The following INPP5D variants were observed in gnomAD, a reference collection of about 807,000 sequenced individuals.
INPP5D encodes phosphatidylinositol 3,4,5-trisphosphate 5-phosphatase 1.
INPP5D carries 33 observed loss-of-function variants against 122.9 expected under a neutral mutation model. The ratio of observed to expected loss-of-function variants is 0.27; its 90% CI spans 0.20 to 0.36. The LOEUF (loss-of-function observed/expected upper bound fraction) is 0.36. Among genes scored for constraint, INPP5D ranks in the 10% least tolerant of loss-of-function variants. The pLI is 1.00. For synonymous variants in INPP5D, 584 were observed against 576.2 expected (o/e 1.01, Z -0.19); for missense variants, 1,053 against 1,412.7 (o/e 0.75, Z 4.08).
chr2:233,109,084 T>C (rs965350368), intron 2 of INPP5D, among the ~76,000 whole-genome samples: 3 of 152,218 alleles, frequency 2.0e-5, no homozygotes, highest in Admixed American at 1.3e-4. Context: ...CCCATTCCTC[T>C]GCCCAGCCAG....
At chr2:233,180,633 A>G (rs1694759906) in intron 18 of INPP5D, among the ~76,000 whole-genome samples, 1 of 152,148 alleles carries the variant, frequency 6.6e-6, no homozygotes, top group Admixed American at 6.5e-5. Flanking sequence ...TCAGCCTCCC[A>G]GGTTCAAGTG....
At chr2:233,121,232 A>G (rs1692966038) in intron 2 of INPP5D, among the ~76,000 whole-genome samples, 1 of 150,002 alleles carries the variant, frequency 6.7e-6, no homozygotes, top group Admixed American at 6.6e-5. Context: ...CCCAGGTTCA[A>G]GCAATTCTCT....
rs529175498 is a variant in INPP5D at position 233,198,248 on chromosome 2, G to A, written c.2847G>A (p.Lys949=). The A allele has an allele frequency of 1.9e-5, 30 of 1,613,526 alleles. No individual in the cohort carries two copies. The highest frequency in any genetic ancestry group is 2.5e-5 in the Non-Finnish European group (29 of 1,179,856). The stretch of plus-strand genomic sequence containing the variant: ...CCTGGAGCTACGACCAGCCGCCCAA[G>A]GACTCCCCGCTGGGGCCCTGCAGGG... The part of the protein sequence containing the change: ...PTAWSYDQPP[K]DSPLGPCRGE... The change falls in exon 25 of 27, where the codon AAG becomes AAA. Residue 949 remains lysine, a synonymous_variant. Coordinates refer to ENST00000445964, the MANE Select transcript of INPP5D (RefSeq NM_001017915.3).
intron 2 of INPP5D, among the ~76,000 whole-genome samples, chr2:233,114,767 T>G (rs547584026): frequency 6.6e-6 from 1 of 152,236 alleles, no homozygotes; most frequent in East Asian, 1.9e-4. Context: ...CACAGCCGAG[T>G]GGTGTTTTCA....
intron 1 of INPP5D, among the ~76,000 whole-genome samples, chr2:233,068,191 A>G (rs1001993310): frequency 2.0e-5 from 3 of 151,974 alleles, no homozygotes; most frequent in African/African-American, 7.3e-5. Context: ...AGGCTGAGGC[A>G]GCAGAATTGC....
At chr2:233,196,636 T>C (rs1369921951) in intron 24 of INPP5D, among the ~76,000 whole-genome samples, 1 of 152,092 alleles carries the variant, frequency 6.6e-6, no homozygotes, top group East Asian at 1.9e-4. Context: ...ATAGTACAGA[T>C]GTTAAAGTCT....
At chr2:233,101,842 G>A (rs1309202806) in intron 2 of INPP5D, among the ~76,000 whole-genome samples, 2 of 150,596 alleles carry the variant, frequency 1.3e-5, no homozygotes, top group Non-Finnish European at 3.0e-5. Context: ...CTTGTGATCA[G>A]GTTTGGGAAG....
rs766304946 is a variant in INPP5D, at chr2:233,161,840, C to A, written c.1240+14C>A. 2.5e-6 allele frequency: 4 copies of A among 1,607,942 alleles called. No homozygotes were observed. Among genetic ancestry groups the A allele is most frequent in the South Asian group, 2.2e-5 (2 of 90,160 alleles). Reference sequence around the variant, plus strand: ...CCTGGAACATGGGTGGGTCCGCGCGCCCCCTCCCTGCAGTCACCCCCTCTG... The same window carrying A: ...CCTGGAACATGGGTGGGTCCGCGCGACCCCTCCCTGCAGTCACCCCCTCTG... On this transcript the variant is annotated intron_variant, in intron 11 of 26. Transcript: ENST00000445964.
intron 9 of INPP5D, among the ~76,000 whole-genome samples, chr2:233,152,075 C>T (rs1693938245): frequency 6.6e-6 from 1 of 152,196 alleles, no homozygotes; most frequent in South Asian, 2.1e-4. Flanking sequence ...GGTTCCATGA[C>T]TTGCTAATAG....
chr2:233,081,616 TCAGGCTACTGGG>T (rs1691691092), intron 2 of INPP5D, among the ~76,000 whole-genome samples: 2 of 152,148 alleles, frequency 1.3e-5, no homozygotes. Flanking sequence ...CGGGGCCTCA[TCAGGCTACTGGG>T]CAGGGGGTGG....
Position 233,198,367 on chromosome 2 carries a change from A to G in INPP5D, c.2966A>G (p.Gln989Arg). The change falls in exon 25 of 27, where the codon CAG becomes CGG. Residue 989 changes from glutamine to arginine, a missense_variant. Gln to Arg is a conservative substitution (Grantham distance 43). Around this residue, in one of 6 missense-constraint regions of INPP5D, gnomAD observed 417 missense variants for 425.8 expected, o/e 0.98. Coordinates refer to ENST00000445964, the MANE Select transcript of INPP5D (RefSeq NM_001017915.3). Reference protein sequence around the residue: ...TANRGLPPRTQESRPSDLGKN... With the variant: ...TANRGLPPRTRESRPSDLGKN... The stretch of plus-strand genomic sequence containing the variant: ...AACCGGGGTCTCCCTCCCAGGACAC[A>G]GGAGTCAAGGTGAGCATCCTCTTCA... The G allele has an allele frequency of 6.2e-7, 1 of 1,609,800 alleles. No individual in the cohort carries two copies. The highest frequency in any genetic ancestry group is 8.5e-7 in the Non-Finnish European group (1 of 1,176,570).
At chr2:233,149,257 A>G (rs1693859688) in intron 9 of INPP5D, among the ~76,000 whole-genome samples, 1 of 151,738 alleles carries the variant, frequency 6.6e-6, no homozygotes, top group Non-Finnish European at 1.5e-5. Context: ...GACCACCACC[A>G]CGCCCAGCTA....
At chr2:233,169,647 C>T (rs1381993374) in intron 14 of INPP5D, 15 of 607,422 alleles carry the variant, frequency 2.5e-5, no homozygotes, top group Admixed American at 6.3e-5. Context: ...TGATGGACCG[C>T]TAACTAGCAC....
chr2:233,096,078 A>T (rs751428214), intron 2 of INPP5D, among the ~76,000 whole-genome samples: 4 of 152,232 alleles, frequency 2.6e-5, no homozygotes, highest in African/African-American at 9.6e-5. Flanking sequence ...CTCACTACAA[A>T]AGACAGATGC....
At chr2:233,156,078 C>T (rs1694045294) in intron 9 of INPP5D, among the ~76,000 whole-genome samples, 1 of 152,242 alleles carries the variant, frequency 6.6e-6, no homozygotes, top group South Asian at 2.1e-4. Context: ...CTGGAAGAAA[C>T]CAGGCACGAG....
rs146688019 is a variant in INPP5D at position 233,190,393 on chromosome 2, G to A, written c.2446+456G>A. Among the ~76,000 whole-genome samples, 230 of 152,222 alleles carry A rather than the reference G, an allele frequency of 1.5e-3. 1 individual carries two copies. Among genetic ancestry groups the A allele is most frequent in the African/African-American group, 5.3e-3 (222 of 41,538 alleles). On this transcript the variant is annotated intron_variant, in intron 22 of 26. Transcript: ENST00000445964. Reference sequence around the variant, plus strand: ...TCTCAGCTCACAGGTCTGGAGCTGCGGACTCCCCTCTGCTGACCCAGTCTC... The same window carrying A: ...TCTCAGCTCACAGGTCTGGAGCTGCAGACTCCCCTCTGCTGACCCAGTCTC...
intron 2 of INPP5D, among the ~76,000 whole-genome samples, chr2:233,079,951 C>T (rs1270348545): frequency 6.6e-6 from 1 of 152,166 alleles, no homozygotes; most frequent in Non-Finnish European, 1.5e-5. Context: ...ATTTTTGAGA[C>T]AGAGTTTCAC....
chr2:233,121,091 C>T (rs1456932498), intron 2 of INPP5D, among the ~76,000 whole-genome samples: 1 of 148,548 alleles, frequency 6.7e-6, no homozygotes, highest in Non-Finnish European at 1.5e-5. Flanking sequence ...TGTGGGATTA[C>T]AGGTGATTTC....
At chr2:233,066,699 C>T (rs1197216026) in intron 1 of INPP5D, among the ~76,000 whole-genome samples, 5 of 151,778 alleles carry the variant, frequency 3.3e-5, no homozygotes, top group Admixed American at 6.6e-5. Context: ...CTCTGTCTCC[C>T]GGGTTGAAGT....
Sources: gnomAD v4.1 joint callset for allele counts (sites outside exome capture counted in the v4.1 genomes callset) on GRCh38, gnomAD v4.1.1 for gene constraint, gnomAD v4.1.1 regional missense constraint, MANE v1.5 for transcripts, NCBI Gene and HGNC (gene_info 2026-07-23, HGNC 2026-07-21) for gene names.